Variants in DGKB observed in about 807,000 individuals in gnomAD.
DGKB encodes diacylglycerol kinase beta.
In DGKB, 67 loss-of-function variants were observed where a neutral mutation model predicts 114.3. The ratio of observed to expected loss-of-function variants is 0.59; its 90% confidence interval spans 0.48 to 0.72. DGKB has a LOEUF of 0.72. Ranked by LOEUF, DGKB falls within the 30% of genes least tolerant of loss-of-function variation. DGKB has a pLI of 0.00. For missense variants in DGKB, 907 were observed against 975.2 expected (o/e 0.93, Z 0.93); for synonymous variants, 398 against 323.1 (o/e 1.23, Z -2.49).
At chr7:14,935,883 T>C (rs764698451) in intron 1 of DGKB, among the ~76,000 whole-genome samples, 4 of 152,080 alleles carry the variant, frequency 2.6e-5, no homozygotes, top group Non-Finnish European at 4.4e-5. Context: ...TAATTCTAAA[T>C]GTTTAGGGAT....
chr7:14,365,633 G>A lies in DGKB; in HGVS notation c.1836-20242C>T, dbSNP rs180829899. ...AAAGCAAAGACCTGGTAAAGAAGAG[G>A]TATGATATCTCTATTAACTCTTGAA... On this transcript the variant is annotated intron_variant, in intron 21 of 25. Transcript: ENST00000402815. Among the ~76,000 whole-genome samples, 365 of 152,046 alleles carry A rather than the reference G, an allele frequency of 2.4e-3. 2 individuals are homozygous for A. The highest frequency in any genetic ancestry group is 4.2e-3 in the Non-Finnish European group (287 of 67,958).
intron 6 of DGKB, among the ~76,000 whole-genome samples, chr7:14,709,815 G>T (rs986196595): frequency 7.7e-4 from 97 of 125,772 alleles, no homozygotes; most frequent in Admixed American, 2.9e-3. Flanking sequence ...GGGGACTGTG[G>T]TGGGGTGGGG....
chr7:14,638,651 T>C (rs955263130), intron 13 of DGKB, among the ~76,000 whole-genome samples: 2 of 152,152 alleles, frequency 1.3e-5, no homozygotes, highest in African/African-American at 2.4e-5. Context: ...TGCTAGTCAA[T>C]GAGCATAAGG....
chr7:14,932,740 AG>A (rs1319314598), intron 1 of DGKB, among the ~76,000 whole-genome samples: 1 of 152,162 alleles, frequency 6.6e-6, no homozygotes, highest in African/African-American at 2.4e-5. Flanking sequence ...ATAGCACCTA[AG>A]GCTTGAGAAC....
chr7:14,350,074 A>G (rs1813173399), intron 21 of DGKB, among the ~76,000 whole-genome samples: 1 of 152,140 alleles, frequency 6.6e-6, no homozygotes, highest in African/African-American at 2.4e-5. Context: ...ACAAGTTTCT[A>G]TTTAATGCTC....
At chr7:14,471,635 G>C (rs1235900439) in intron 21 of DGKB, among the ~76,000 whole-genome samples, 13 of 151,596 alleles carry the variant, frequency 8.6e-5, no homozygotes, top group Admixed American at 8.6e-4. Context: ...TGAAGGTTAT[G>C]TACGTAAAGG....
chr7:14,798,225 A>T (rs2128040637), intron 2 of DGKB, among the ~76,000 whole-genome samples: 1 of 152,238 alleles, frequency 6.6e-6, no homozygotes, highest in East Asian at 1.9e-4. Context: ...TGTTTTCAGG[A>T]TTTAAACTGT....
Position 14,634,794 on chromosome 7 carries a change from G to GT in DGKB, c.1135-4527dup, listed in dbSNP as rs943393366. ...AATTACATATATTTTTGGCTTCCATGTTTTTTTTATATTTCAGTTTCATAT... is the reference window on the plus strand; with the variant it reads ...AATTACATATATTTTTGGCTTCCATGTTTTTTTTTATATTTCAGTTTCATAT... On this transcript the variant is annotated intron_variant, in intron 13 of 25. Coordinates refer to ENST00000402815, the MANE Select transcript of DGKB (RefSeq NM_001350709.2). Among the ~76,000 whole-genome samples, 16 of 150,962 alleles carry GT rather than the reference G, an allele frequency of 1.1e-4. 1 individual carries two copies. The highest frequency in any genetic ancestry group is 4.6e-4 in the Admixed American group (7 of 15,120).
intron 23 of DGKB, among the ~76,000 whole-genome samples, chr7:14,188,399 G>A (rs1364089998): frequency 1.7e-5 from 2 of 120,572 alleles, no homozygotes; most frequent in Non-Finnish European, 3.7e-5. Flanking sequence ...GGTGGCTCAC[G>A]CCTGTAATCC....
intron 16 of DGKB, among the ~76,000 whole-genome samples, chr7:14,609,200 C>T (rs1001715151): frequency 3.3e-5 from 5 of 151,988 alleles, no homozygotes; most frequent in Non-Finnish European, 7.4e-5. Context: ...ACCAGACACT[C>T]AGGCCAATGG....
intron 5 of DGKB, among the ~76,000 whole-genome samples, chr7:14,725,044 C>A (rs1202517078): frequency 6.6e-6 from 1 of 152,088 alleles, no homozygotes; most frequent in African/African-American, 2.4e-5. Flanking sequence ...GGGTGGCATG[C>A]ATTTGTAGTC....
chr7:14,648,168 C>CT (rs1354834646), intron 13 of DGKB, among the ~76,000 whole-genome samples: 1 of 152,262 alleles, frequency 6.6e-6, no homozygotes, highest in Non-Finnish European at 1.5e-5. Context: ...CTGCCTGCCT[C>CT]TGTAGGCTCC....
chr7:14,471,632 T>A (rs1448270968), intron 21 of DGKB, among the ~76,000 whole-genome samples: 2 of 151,762 alleles, frequency 1.3e-5, no homozygotes, highest in African/African-American at 4.8e-5. Flanking sequence ...TCTTGAAGGT[T>A]ATGTACGTAA....
chr7:14,446,421 A>C (rs1257791099), intron 21 of DGKB, among the ~76,000 whole-genome samples: 3 of 152,144 alleles, frequency 2.0e-5, no homozygotes, highest in Non-Finnish European at 2.9e-5. Context: ...ACAATAGGGC[A>C]AAGAGCAGTT....
chr7:14,442,195 T>C (rs1830170810), intron 21 of DGKB, among the ~76,000 whole-genome samples: 1 of 152,080 alleles, frequency 6.6e-6, no homozygotes, highest in Non-Finnish European at 1.5e-5. Context: ...AATTACTGAC[T>C]GAATTTCCTT....
chr7:14,561,391 T>C (rs907476934), intron 20 of DGKB, among the ~76,000 whole-genome samples: 1 of 152,116 alleles, frequency 6.6e-6, no homozygotes, highest in African/African-American at 2.4e-5. Flanking sequence ...TGGAAACAGA[T>C]GAATACAGTA....
At chr7:14,893,133 C>A (rs1412850339) in intron 1 of DGKB, among the ~76,000 whole-genome samples, 1 of 151,246 alleles carries the variant, frequency 6.6e-6, no homozygotes, top group African/African-American at 2.4e-5. Context: ...CATAGATTAA[C>A]TCTTTGAATG....
At chr7:14,421,918 T>C (rs1322734344) in intron 21 of DGKB, among the ~76,000 whole-genome samples, 1 of 152,022 alleles carries the variant, frequency 6.6e-6, no homozygotes, top group Non-Finnish European at 1.5e-5. Context: ...CATGTTTCCA[T>C]TATAAACCCT....
chr7:14,410,764 A>C (rs971674839), intron 21 of DGKB, among the ~76,000 whole-genome samples: 1 of 150,162 alleles, frequency 6.7e-6, no homozygotes, highest in Non-Finnish European at 1.5e-5. Flanking sequence ...CTGAGGAATC[A>C]ATGATATTTT....
Sources: allele counts gnomAD v4.1 joint callset (sites outside exome capture counted in the v4.1 genomes callset), GRCh38; gene constraint gnomAD v4.1.1; transcripts MANE v1.5; gene names NCBI Gene and HGNC (gene_info 2026-07-23, HGNC 2026-07-21).